The following ORC1 variants were observed in gnomAD, a reference collection of about 807,000 sequenced individuals.
ORC1 encodes origin recognition complex subunit 1.
Under a neutral mutation model 98.9 loss-of-function variants are expected in ORC1, and 61 were observed. The ratio of observed to expected loss-of-function variants is 0.62; its 90% confidence interval spans 0.50 to 0.76. The LOEUF (loss-of-function observed/expected upper bound fraction) is 0.76. Ranked by LOEUF, ORC1 falls within the 30% of genes least tolerant of loss-of-function variation. ORC1 has a pLI of 0.00. For missense variants in ORC1, 979 were observed against 1,072.2 expected, an observed-to-expected ratio of 0.91 and a Z score of 1.21; for synonymous variants, 385 against 406.9, an observed-to-expected ratio of 0.95 and a Z score of 0.65.
At position 52,385,966 on chromosome 1, in the gene ORC1, G is replaced by C. The variant is rs755178498; in HGVS notation, c.1384-17C>G. On this transcript the variant is annotated splice_polypyrimidine_tract_variant and intron_variant, in intron 8 of 16. Coordinates refer to ENST00000371568, the MANE Select transcript of ORC1 (RefSeq NM_004153.4). ...AGGCTTGAGCTGTATTGAAAACAAA[G>C]AACATATTTCACAAGGAAAAAGCAA... The C allele has an allele frequency of 1.3e-5, 21 of 1,596,706 alleles. No individual in the cohort carries two copies. The highest frequency in any genetic ancestry group is 1.9e-4 in the Middle Eastern group (1 of 5,182).
intron 4 of ORC1, among the ~76,000 whole-genome samples, chr1:52,396,611 C>T (rs933440386): frequency 6.6e-6 from 1 of 152,028 alleles, no homozygotes; most frequent in African/African-American, 2.4e-5. Context: ...TAAATTATTC[C>T]TTTCATTTCA....
chr1:52,406,442 CAG>C (rs1648000481), upstream of ORC1, among the ~76,000 whole-genome samples: 1 of 152,174 alleles, frequency 6.6e-6, no homozygotes, highest in East Asian at 1.9e-4. Flanking sequence ...ACTGGACGCT[CAG>C]GGGTGAAAAT....
At chr1:52,385,772 G>C in intron 9 of ORC1, 80 bp downstream of exon 9, 1 of 911,634 alleles carries the variant, frequency 1.1e-6, no homozygotes, top group Non-Finnish European at 1.8e-6. Flanking sequence ...AGGTAGACCA[G>C]TGACTGCTAA....
upstream of ORC1, chr1:52,404,633 G>C: frequency 8.6e-7 from 1 of 1,168,198 alleles, no homozygotes; most frequent in Non-Finnish European, 1.2e-6. Context: ...CAAGATGGTC[G>C]CCTAAGCTGT....
At position 52,401,497 on chromosome 1, in the gene ORC1, G is replaced by GT; in HGVS notation, c.96-9dup. The GT allele has an allele frequency of 6.2e-7, 1 of 1,613,796 alleles. No homozygotes were observed. Among genetic ancestry groups the GT allele is most frequent in the Non-Finnish European group, 8.5e-7 (1 of 1,179,964 alleles). On this transcript the variant is annotated splice_polypyrimidine_tract_variant and intron_variant, in intron 2 of 16. Transcript: ENST00000371568. ...GTTTTCACACACATTTCTCTAGGAA[G>GT]TAACAGAGAAGCACATTAGGAAATA...
At chr1:52,402,788 G>A (rs1647780190) in intron 1 of ORC1, among the ~76,000 whole-genome samples, 1 of 152,076 alleles carries the variant, frequency 6.6e-6, no homozygotes, top group African/African-American at 2.4e-5. Context: ...ACAAAAATCA[G>A]GTGGGCATGG....
At chr1:52,384,480 G>A (rs1647115178) in intron 11 of ORC1, 70 bp downstream of exon 11, 3 of 1,400,912 alleles carry the variant, frequency 2.1e-6, no homozygotes, top group Non-Finnish European at 3.0e-6. Flanking sequence ...GCAAAATTAA[G>A]TAACTCTTTC....
rs1240332486 is a variant in ORC1, at chr1:52,396,044, ACT to A, written c.721_721+1del. ...CCCACGGTGATCCATTCCACAACTTACTGCCAAGCTCCAGCCTCTTTCTGGCT... is the reference window on the plus strand; with the variant it reads ...CCCACGGTGATCCATTCCACAACTTAGCCAAGCTCCAGCCTCTTTCTGGCT... On this transcript the variant is annotated splice_donor_variant and coding_sequence_variant, in exon 5 of 17. Coordinates refer to ENST00000371568, the MANE Select transcript of ORC1 (RefSeq NM_004153.4). LOFTEE classifies it high-confidence loss of function. The A allele has an allele frequency of 2.5e-6, 4 of 1,614,054 alleles. No individual in the cohort carries two copies. The highest frequency in any genetic ancestry group is 3.4e-6 in the Non-Finnish European group (4 of 1,180,028).
At chr1:52,407,578 G>A (rs1648034200), upstream of ORC1, among the ~76,000 whole-genome samples, 1 of 152,168 alleles carries the variant, frequency 6.6e-6, no homozygotes, top group South Asian at 2.1e-4. Context: ...TCATGTTTAT[G>A]TGTACTTGTT....
chr1:52,408,789 C>T, upstream of ORC1: 2 of 1,381,788 alleles, frequency 1.4e-6, no homozygotes, highest in East Asian at 2.3e-5. Context: ...GTGAATGCTC[C>T]TTTTCATCTA....
In ORC1 at chr1:52,397,854, G is replaced by A. The variant is rs539487774; in HGVS notation, c.233C>T (p.Pro78Leu). 58 of 1,614,196 alleles carry A rather than the reference G, an allele frequency of 3.6e-5. 1 individual carries two copies. The South Asian group carries it at 5.1e-4, about 14-fold the overall frequency. ...LLELFEDDSD[P>L]PPKKRARVQW... ...TACTCGAGCACGTTTCTTAGGAGGA[G>A]GATCAGAGTCTAGAAAGAATTTGGT... The change falls in exon 4 of 17, where the codon CCT becomes CTT. Residue 78 changes from proline (P) to leucine (L), a missense_variant. By Grantham distance (98) the Pro-to-Leu change is moderately conservative. Transcript: ENST00000371568.
Position 52,393,537 on chromosome 1 carries a change from T to C in ORC1, c.988A>G (p.Ile330Val). Reference sequence around the variant, plus strand: ...GGGGTAAGTGTTCTCTCCTCTCTAATGTCTATGGTTTTCGAAGCTGCAATT... The same window carrying C: ...GGGGTAAGTGTTCTCTCCTCTCTAACGTCTATGGTTTTCGAAGCTGCAATT... ...TRIAASKTID[I>V]REERTLTPIS... Residue 330 changes from isoleucine to valine, a missense_variant, in exon 6 of 17, where the codon ATT becomes GTT. Coordinates refer to ENST00000371568, the MANE Select transcript of ORC1 (RefSeq NM_004153.4). The C allele has an allele frequency of 2.5e-6, 4 of 1,614,150 alleles. No individual in the cohort carries two copies. Among genetic ancestry groups the C allele is most frequent in the South Asian group, 1.1e-5 (1 of 91,072 alleles).
At chr1:52,405,541 T>A (rs1647958211), upstream of ORC1, 1 of 730,482 alleles carries the variant, frequency 1.4e-6, no homozygotes, top group African/African-American at 1.8e-5. Flanking sequence ...GCTGTTGTCG[T>A]TACTGTTATT....
chr1:52,376,258 T>G (rs538926603), intron 14 of ORC1, among the ~76,000 whole-genome samples: 1 of 152,256 alleles, frequency 6.6e-6, no homozygotes, highest in Admixed American at 6.5e-5. Flanking sequence ...GTCACACCTG[T>G]AATCCTAGCA....
chr1:52,392,601 C>T (rs1008653403), intron 6 of ORC1, among the ~76,000 whole-genome samples: 6 of 152,156 alleles, frequency 3.9e-5, no homozygotes, highest in African/African-American at 7.2e-5. Flanking sequence ...AAAAAAGACA[C>T]ATGCACACGC....
At chr1:52,405,623 A>G, upstream of ORC1, 2 of 1,558,670 alleles carry the variant, frequency 1.3e-6, no homozygotes, top group Non-Finnish European at 1.8e-6. Flanking sequence ...AACTAACTCC[A>G]CTCCAACTAG....
At position 52,397,006 on chromosome 1, in the gene ORC1, C is replaced by T. The variant is rs6681183; in HGVS notation, c.403-642G>A. The stretch of plus-strand genomic sequence containing the variant: ...AGATGCTCCAAGCCCTGTGCCTCTC[C>T]GCGTATACTCATCCTGCTGCCTCAA... On this transcript the variant is annotated intron_variant, in intron 4 of 16. Coordinates refer to ENST00000371568, the MANE Select transcript of ORC1 (RefSeq NM_004153.4). Among the ~76,000 whole-genome samples, 397 of 152,296 alleles carry T rather than the reference C, an allele frequency of 2.6e-3. 1 individual carries two copies. Among genetic ancestry groups the T allele is most frequent in the African/African-American group, 9.1e-3 (379 of 41,564 alleles).
At chr1:52,382,039 CATG>C (rs1647077849) in intron 13 of ORC1, among the ~76,000 whole-genome samples, 1 of 152,036 alleles carries the variant, frequency 6.6e-6, no homozygotes. Flanking sequence ...CGTGCAGTGG[CATG>C]ATCTCGGCTC....
Position 52,388,613 on chromosome 1 carries a change from G to C in ORC1, c.1212C>G (p.Asp404Glu). 6.2e-7 allele frequency: 1 copy of C among 1,613,868 alleles called. No homozygotes were observed. The highest frequency in any genetic ancestry group is 8.5e-7 in the Non-Finnish European group (1 of 1,179,978). The change falls in exon 8 of 17, where the codon GAC becomes GAG. Residue 404 changes from aspartate (D) to glutamate (E), a missense_variant. Asp to Glu is a conservative substitution (Grantham distance 45). Coordinates refer to ENST00000371568, the MANE Select transcript of ORC1 (RefSeq NM_004153.4). ...CTGGCAGAATCTCTTTCTCTTCTTGGTCACTTTTACTATTACCTAGAAACC... is the reference window on the plus strand; with the variant it reads ...CTGGCAGAATCTCTTTCTCTTCTTGCTCACTTTTACTATTACCTAGAAACC... ...QLRFLGNSKS[D>E]QEEKEILPAA...
Sources: allele counts gnomAD v4.1 joint callset (sites outside exome capture counted in the v4.1 genomes callset), GRCh38; gene constraint gnomAD v4.1.1; transcripts MANE v1.5; gene names NCBI Gene and HGNC (gene_info 2026-07-23, HGNC 2026-07-21).